DYNC2H1: variants seen among roughly 807,000 people sequenced by gnomAD.
The protein encoded by DYNC2H1 is dynein cytoplasmic 2 heavy chain 1, also known as cytoplasmic dynein 2 heavy chain 1.
In DYNC2H1, 410 loss-of-function variants were observed where a neutral mutation model predicts 570.0. That is an observed-to-expected ratio of 0.72 (90% CI 0.66 to 0.78). The LOEUF (loss-of-function observed/expected upper bound fraction) is 0.78. Ranked by LOEUF, DYNC2H1 falls within the 30% of genes least tolerant of loss-of-function variation. The pLI is 0.00. For synonymous variants in DYNC2H1, 1,688 were observed against 1,677.6 expected (o/e 1.01, Z -0.15); for missense variants, 4,865 against 5,046.4 (o/e 0.96, Z 1.09).
chr11:103,450,690 G>T (rs887017517), intron 85 of DYNC2H1, among the ~76,000 whole-genome samples: 8 of 152,190 alleles, frequency 5.3e-5, no homozygotes, highest in African/African-American at 1.7e-4. Context: ...TGAGAAGAAT[G>T]ATCGCTTAAA....
At chr11:103,140,305 CT>C (rs1859830985) in intron 17 of DYNC2H1, among the ~76,000 whole-genome samples, 1 of 152,056 alleles carries the variant, frequency 6.6e-6, no homozygotes, top group Non-Finnish European at 1.5e-5. Flanking sequence ...TCTTCCTAGG[CT>C]CGATGGTCTT....
chr11:103,459,596 C>G (rs1226875793), intron 87 of DYNC2H1, among the ~76,000 whole-genome samples: 1 of 152,036 alleles, frequency 6.6e-6, no homozygotes, highest in Admixed American at 6.6e-5. Flanking sequence ...GAAATTTGAT[C>G]ATTACCAACA....
intron 85 of DYNC2H1, among the ~76,000 whole-genome samples, chr11:103,449,431 C>T (rs1461735506): frequency 2.6e-5 from 4 of 152,124 alleles, no homozygotes; most frequent in Non-Finnish European, 2.9e-5. Flanking sequence ...AAATATCTTC[C>T]TCAAATTATT....
rs558190098 is a variant in DYNC2H1, at chr11:103,440,098, G to A, written c.12456+4066G>A. Among the ~76,000 whole-genome samples, 7 of 152,166 alleles carry A rather than the reference G, an allele frequency of 4.6e-5. No homozygotes were observed. In the East Asian group the frequency reaches 7.7e-4, roughly 17 times the overall value. Reference sequence around the variant, plus strand: ...ATCCTAGTTTTCTCAACTACTCATAGTTGGATCCCTTGACCGTACACCTGT... The same window carrying A: ...ATCCTAGTTTTCTCAACTACTCATAATTGGATCCCTTGACCGTACACCTGT... On this transcript the variant is annotated intron_variant, in intron 85 of 88. Transcript: ENST00000375735.
At chr11:103,260,706 G>C (rs1428272295) in intron 70 of DYNC2H1, among the ~76,000 whole-genome samples, 1 of 148,842 alleles carries the variant, frequency 6.7e-6, no homozygotes, top group Non-Finnish European at 1.5e-5. Flanking sequence ...TGCAAGCTCT[G>C]CCTCCTGGGT....
At chr11:103,321,003 T>C (rs778482581) in intron 80 of DYNC2H1, 26 bp from the exon 81 acceptor site, 6 of 1,534,668 alleles carry the variant, frequency 3.9e-6, no homozygotes, top group Non-Finnish European at 5.3e-6. Flanking sequence ...GAAATGAAAT[T>C]AATGAGTGTT....
At chr11:103,352,664 G>T (rs1487218006) in intron 82 of DYNC2H1, among the ~76,000 whole-genome samples, 4 of 152,100 alleles carry the variant, frequency 2.6e-5, no homozygotes, top group Non-Finnish European at 5.9e-5. Flanking sequence ...TTCTCTGTGT[G>T]CTTGAAAGAA....
Position 103,223,811 on chromosome 11 carries a change from G to A in DYNC2H1, c.9353+725G>A, listed in dbSNP as rs1029115865. Among the ~76,000 whole-genome samples, 5 of 149,678 alleles carry A rather than the reference G, an allele frequency of 3.3e-5. No homozygotes were observed. In the South Asian group the frequency reaches 6.4e-4, roughly 19 times the overall value. ...TCGCCAGGCTGGAGTGCAGTGGCGC[G>A]ATCTCAGCTTACTTCAACCTCCGCC... On this transcript the variant is annotated intron_variant, in intron 59 of 88. Transcript: ENST00000375735.
chr11:103,151,646 A>G lies in DYNC2H1; in HGVS notation c.2947-490A>G, dbSNP rs1410880213. Among the ~76,000 whole-genome samples the G allele has an allele frequency of 2.0e-5, 3 of 152,176 alleles. No homozygotes were observed. Among genetic ancestry groups the G allele is most frequent in the African/African-American group, 4.8e-5 (2 of 41,454 alleles). On this transcript the variant is annotated intron_variant, in intron 20 of 88. Coordinates refer to ENST00000375735, the MANE Select transcript of DYNC2H1 (RefSeq NM_001377.3). The surrounding 1 kb of genome is among the most constrained non-coding windows in gnomAD (Gnocchi z 4.6). ...CACTTCAGTTAAAAACCCTGAATGC[A>G]TGAGCTTAATTTCACTTCTTTAGTT...
At position 103,170,933 on chromosome 11, in the gene DYNC2H1, G is replaced by C; in HGVS notation, c.5199G>C (p.Lys1733Asn). The change falls in exon 34 of 89, where the codon AAG becomes AAC. Residue 1733 changes from lysine to asparagine, a missense_variant. Physicochemically the swap from Lys to Asn is moderately conservative, Grantham distance 94. Around this residue, in one of 5 missense-constraint regions of DYNC2H1, gnomAD observed 292 missense variants for 300.2 expected, o/e 0.97. Coordinates refer to ENST00000375735, the MANE Select transcript of DYNC2H1 (RefSeq NM_001377.3). The surrounding 1 kb of genome is among the most constrained non-coding windows in gnomAD (Gnocchi z 4.8). ...GACGAATATTTGTTGGTTTGGTGAA[G>C]TGTGGGGCCTGGGGTTGTTTTGATG... ...SMGRIFVGLV[K>N]CGAWGCFDEF... 1 of 1,600,726 alleles carries C rather than the reference G, an allele frequency of 6.2e-7. No homozygotes were observed. Among genetic ancestry groups the C allele is most frequent in the Non-Finnish European group, 8.5e-7 (1 of 1,171,030 alleles).
intron 88 of DYNC2H1, among the ~76,000 whole-genome samples, chr11:103,476,695 AT>A (rs1945559836): frequency 6.6e-6 from 1 of 152,116 alleles, no homozygotes; most frequent in Non-Finnish European, 1.5e-5. Flanking sequence ...ATACTGATTT[AT>A]ATCAAGGGCC....
chr11:103,140,406 G>A (rs1859838838), intron 17 of DYNC2H1, among the ~76,000 whole-genome samples: 1 of 152,006 alleles, frequency 6.6e-6, no homozygotes, highest in Non-Finnish European at 1.5e-5. Context: ...GGGCAGGCCT[G>A]GTGGTGACAA....
chr11:103,192,403 C>A, intron 47 of DYNC2H1, 139 bp downstream of exon 47: 1 of 577,740 alleles, frequency 1.7e-6, no homozygotes, highest in Non-Finnish European at 2.6e-6. Flanking sequence ...TAAGGTACAG[C>A]TCAGTCTTTT....
chr11:103,349,939 C>T (rs977559171), intron 82 of DYNC2H1, among the ~76,000 whole-genome samples: 2 of 152,016 alleles, frequency 1.3e-5, no homozygotes, highest in African/African-American at 4.8e-5. Flanking sequence ...GAAAAGTTTT[C>T]CCGCCTCCCC....
chr11:103,288,583 A>T (rs911922325), intron 75 of DYNC2H1, among the ~76,000 whole-genome samples: 1 of 147,138 alleles, frequency 6.8e-6, no homozygotes, highest in Non-Finnish European at 1.5e-5. Flanking sequence ...GTGGTGGCTC[A>T]TGCCTGTAAT....
intron 54 of DYNC2H1, among the ~76,000 whole-genome samples, chr11:103,214,446 CTTTTTT>C (rs200386358): frequency 7.8e-6 from 1 of 127,448 alleles, no homozygotes; most frequent in Non-Finnish European, 1.6e-5. Context: ...ACTTCTTCTT[CTTTTTT>C]TTTTTTTTTT....
chr11:103,204,411 T>C lies in DYNC2H1; in HGVS notation c.8312-411T>C, dbSNP rs1359241829. Among the ~76,000 whole-genome samples, 1 of 152,184 alleles carries C rather than the reference T, an allele frequency of 6.6e-6. No homozygotes were observed. The highest frequency in any genetic ancestry group is 1.5e-5 in the Non-Finnish European group (1 of 68,024). The stretch of plus-strand genomic sequence containing the variant: ...GCCTCCTTTGTTTCATGTGGTGAAA[T>C]TAGTGCTGCTTTAGTACCTCCTGTC... On this transcript the variant is annotated intron_variant, in intron 51 of 88. Transcript: ENST00000375735. The surrounding 1 kb of genome is among the most constrained non-coding windows in gnomAD (Gnocchi z 4.1).
Position 103,299,583 on chromosome 11 carries a change from A to G in DYNC2H1, c.11096-3510A>G, listed in dbSNP as rs4754901. 0.17 allele frequency among the ~76,000 whole-genome samples: 25,115 copies of G among 152,056 alleles called. 2,261 individuals are homozygous for G. The highest frequency in any genetic ancestry group is 0.25 in the Admixed American group (3,840 of 15,228). On this transcript the variant is annotated intron_variant, in intron 75 of 88. Coordinates refer to ENST00000375735, the MANE Select transcript of DYNC2H1 (RefSeq NM_001377.3). This position sits in a 1 kb window ranked among gnomAD's most constrained non-coding sequence, Gnocchi z 4.5. ...TAGCCTTCCTCCATCCTTAAAGCCA[A>G]CATTAGCAGATCGATTCCTTTGCAT...
At chr11:103,273,689 T>C (rs1353758987) in intron 70 of DYNC2H1, among the ~76,000 whole-genome samples, 1 of 152,170 alleles carries the variant, frequency 6.6e-6, no homozygotes, top group African/African-American at 2.4e-5. Context: ...CAACCAGATA[T>C]AGGGCCAAAA....
Sources: gnomAD v4.1 joint callset for allele counts (sites outside exome capture counted in the v4.1 genomes callset) on GRCh38, gnomAD v4.1.1 for gene constraint, gnomAD v4.1.1 regional missense constraint, Gnocchi (gnomAD v3.1) non-coding constraint, MANE v1.5 for transcripts, NCBI Gene and HGNC (gene_info 2026-07-23, HGNC 2026-07-21) for gene names.